Variants in SNAP29 observed in about 807,000 individuals in gnomAD.
SNAP29 encodes synaptosome associated protein 29.
In SNAP29, 13 loss-of-function variants were observed where a neutral mutation model predicts 27.9. The ratio of observed to expected loss-of-function variants is 0.47; its 90% CI spans 0.30 to 0.74. The LOEUF is 0.74. SNAP29 is among the 30% of genes least tolerant of loss of function. SNAP29 has a pLI of 0.06. For missense variants in SNAP29, 368 were observed against 336.5 expected (o/e 1.09, Z -0.73); for synonymous variants, 119 against 127.1 (o/e 0.94, Z 0.43).
intron 3 of SNAP29, among the ~76,000 whole-genome samples, chr22:20,881,466 G>A (rs1433842008): frequency 6.6e-6 from 1 of 152,228 alleles, no homozygotes; most frequent in Non-Finnish European, 1.5e-5. Context: ...CACTTTGGGA[G>A]GCCAAGCTGG....
rs373550782 is a variant in SNAP29 at position 20,866,933 on chromosome 22, G to C, written c.238-3404G>C. Among the ~76,000 whole-genome samples the C allele has an allele frequency of 1.1e-4, 16 of 152,278 alleles. No individual in the cohort carries two copies. In the South Asian group the frequency reaches 2.9e-3, roughly 28 times the overall value. On this transcript the variant is annotated intron_variant, in intron 1 of 4. Coordinates refer to ENST00000215730, the MANE Select transcript of SNAP29 (RefSeq NM_004782.4). ...TGTGTGTGTATGTGTTTGTGTGCAC[G>C]CGTGCAGTAGCTTTAGTTTCTGCCT... is the stretch of plus-strand genomic sequence containing the variant.
At chr22:20,859,637 C>T (rs1035771468) in intron 1 of SNAP29, 7 of 484,002 alleles carry the variant, frequency 1.4e-5, no homozygotes, top group Non-Finnish European at 2.2e-5. Context: ...TATTTTCTGT[C>T]CAGGTGAGTA....
chr22:20,884,244 A>C (rs952702360), intron 4 of SNAP29, among the ~76,000 whole-genome samples: 5 of 152,002 alleles, frequency 3.3e-5, no homozygotes, highest in Non-Finnish European at 7.4e-5. Flanking sequence ...AGGCAGGAGA[A>C]TCACTTGAAC....
At chr22:20,874,014 G>A (rs1280317051) in intron 2 of SNAP29, among the ~76,000 whole-genome samples, 6 of 136,200 alleles carry the variant, frequency 4.4e-5, no homozygotes, top group South Asian at 2.6e-4. Flanking sequence ...GGTGAGTCAC[G>A]CCTGTAATCC....
At chr22:20,882,151 A>G (rs1296614101) in intron 3 of SNAP29, among the ~76,000 whole-genome samples, 1 of 151,698 alleles carries the variant, frequency 6.6e-6, no homozygotes, top group Non-Finnish European at 1.5e-5. Context: ...AAGGAGTGCA[A>G]CCCTGAGGAC....
intron 2 of SNAP29, among the ~76,000 whole-genome samples, chr22:20,877,500 A>G (rs565212089): frequency 7.2e-5 from 11 of 151,956 alleles, no homozygotes; most frequent in East Asian, 5.8e-4. Context: ...AGGTTGCAGT[A>G]AGCCAAGATC....
rs1569123320 is a variant in SNAP29 at position 20,890,976 on chromosome 22, G to A, written c.*3140G>A. The A allele has an allele frequency of 6.6e-6, 1 of 152,148 alleles. No homozygotes were observed. Among genetic ancestry groups the A allele is most frequent in the East Asian group, 1.9e-4 (1 of 5,190 alleles). 9.4% of individuals were successfully genotyped at this position (152,148 alleles called of 1,614,324 possible). On this transcript the variant is annotated 3_prime_UTR_variant, in exon 5 of 5. Coordinates refer to ENST00000215730, the MANE Select transcript of SNAP29 (RefSeq NM_004782.4). ...TGTAGTCCCAACTACTCGGGAGACT[G>A]AGGCAGAAGAATGGCGTGAACTCAG...
rs1061064 is a variant in SNAP29 at position 20,859,128 on chromosome 22, A to G, written c.18A>G (p.Lys6=). The G allele has an allele frequency of 0.53, 853,629 of 1,603,778 alleles. 234,123 individuals carry two copies. The highest frequency in any genetic ancestry group is 0.6 in the South Asian group (54,133 of 89,906). MSAYP[K]SYNPFDDDGE... ...CCGGCACCATGTCAGCTTACCCTAA[A>G]AGCTACAATCCGTTCGACGACGACG... The change falls in exon 1 of 5, where the codon AAA becomes AAG. Residue 6 remains lysine, a synonymous_variant. Coordinates refer to ENST00000215730, the MANE Select transcript of SNAP29 (RefSeq NM_004782.4).
At chr22:20,872,820 C>CTTCT (rs1928627044) in intron 2 of SNAP29, among the ~76,000 whole-genome samples, 1 of 39,866 alleles carries the variant, frequency 2.5e-5, no homozygotes. Context: ...CCACGCCAGG[C>CTTCT]TTTTTTTTTT....
rs1359067587 is a variant in SNAP29 at position 20,883,451 on chromosome 22, G to C, written c.521-20G>C. On this transcript the variant is annotated intron_variant, in intron 3 of 4. Coordinates refer to ENST00000215730, the MANE Select transcript of SNAP29 (RefSeq NM_004782.4). Reference sequence around the variant, plus strand: ...GGAATGTCAATTAACCGCTCTCCTGGTGTTTCCTTCTAAACTTAGACCCTG... The same window carrying C: ...GGAATGTCAATTAACCGCTCTCCTGCTGTTTCCTTCTAAACTTAGACCCTG... The C allele has an allele frequency of 6.8e-7, 1 of 1,475,428 alleles. No individual in the cohort carries two copies. The highest frequency in any genetic ancestry group is 1.4e-5 in the African/African-American group (1 of 72,144). 91.4% of individuals were successfully genotyped at this position (1,475,428 alleles called of 1,614,324 possible).
rs112984030 is a variant in SNAP29 at position 20,890,337 on chromosome 22, G to A, written c.*2501G>A. The A allele has an allele frequency of 9.0e-4, 359 of 398,620 alleles. 1 individual carries two copies. Among genetic ancestry groups the A allele is most frequent in the African/African-American group, 5.6e-3 (274 of 48,752 alleles). The allele number at this position is 398,620 out of a possible 1,614,324, so 24.7% of individuals were successfully genotyped here. On this transcript the variant is annotated 3_prime_UTR_variant, in exon 5 of 5. Coordinates refer to ENST00000215730, the MANE Select transcript of SNAP29 (RefSeq NM_004782.4). The stretch of plus-strand genomic sequence containing the variant: ...AGCAAAATGGTGCCAGGGCTGGGCT[G>A]ACTGTGGGATGGGATTTGGTACTGC...
At chr22:20,876,930 G>A (rs898131292) in intron 2 of SNAP29, among the ~76,000 whole-genome samples, 1 of 152,106 alleles carries the variant, frequency 6.6e-6, no homozygotes, top group African/African-American at 2.4e-5. Flanking sequence ...CTGAAGTTTT[G>A]TCTCTTGGGA....
Position 20,870,387 on chromosome 22 carries a change from C to T in SNAP29, c.288C>T (p.Asp96=). 1 of 1,614,086 alleles carries T rather than the reference C, an allele frequency of 6.2e-7. No homozygotes were observed. The highest frequency in any genetic ancestry group is 8.5e-7 in the Non-Finnish European group (1 of 1,180,022). Residue 96 remains aspartate, a synonymous_variant, in exon 2 of 5, where the codon GAC becomes GAT. Coordinates refer to ENST00000215730, the MANE Select transcript of SNAP29 (RefSeq NM_004782.4). ...TGGAGCGCACAGAGAAGATGGTGGACAAGATGGACCAAGATTTGAAGATCA... is the reference window on the plus strand; with the variant it reads ...TGGAGCGCACAGAGAAGATGGTGGATAAGATGGACCAAGATTTGAAGATCA... The part of the protein sequence containing the change: ...GVLERTEKMV[D]KMDQDLKISQ...
chr22:20,880,912 A>G (rs927709702), intron 2 of SNAP29, 137 bp from the exon 3 acceptor site: 1 of 649,198 alleles, frequency 1.5e-6, no homozygotes, highest in African/African-American at 1.8e-5. Context: ...TGAAATCCCT[A>G]CTTTGGTCAG....
chr22:20,859,050 G>A lies in SNAP29; in HGVS notation c.-61G>A. 4 of 1,455,050 alleles carry A rather than the reference G, an allele frequency of 2.7e-6. No individual in the cohort carries two copies. The highest frequency in any genetic ancestry group is 1.9e-5 in the Admixed American group (1 of 52,612). The allele number at this position is 1,455,050 out of a possible 1,614,324, so 90.1% of individuals were successfully genotyped here. A position where few individuals can be genotyped will look rare whatever the true frequency, so the allele number is the denominator to read the frequency against. On this transcript the variant is annotated 5_prime_UTR_variant, in exon 1 of 5. Transcript: ENST00000215730. ...GGGTCGGCGGGCGGGGCGAGGCCCT[G>A]GACGGCGGCGGCAGTGGGGCTCCTC...
chr22:20,867,736 T>C (rs1033680324), intron 1 of SNAP29, among the ~76,000 whole-genome samples: 1 of 152,154 alleles, frequency 6.6e-6, no homozygotes, highest in African/African-American at 2.4e-5. Context: ...AAATCAGCCA[T>C]CTGGTTTCCT....
At chr22:20,870,713 G>A in intron 2 of SNAP29, 180 bp downstream of exon 2, 1 of 672,968 alleles carries the variant, frequency 1.5e-6, no homozygotes, top group Non-Finnish European at 2.7e-6. Flanking sequence ...CTGATCCCAT[G>A]TTCACTTGAT....
In SNAP29 at chr22:20,859,320, C is replaced by T; in HGVS notation, c.210C>T (p.Ser70=). Residue 70 remains serine, a synonymous_variant, in exon 1 of 5, where the codon TCC becomes TCT. Transcript: ENST00000215730. ...TSRSLALMYE[S]EKVGVASSEE... The stretch of plus-strand genomic sequence containing the variant: ...GGTCCCTGGCCCTCATGTACGAGTC[C>T]GAGAAGGTTGGGGTCGCCTCTTCCG... 6.2e-7 allele frequency: 1 copy of T among 1,613,358 alleles called. No homozygotes were observed. Among genetic ancestry groups the T allele is most frequent in the East Asian group, 2.2e-5 (1 of 44,864 alleles).
intron 2 of SNAP29, chr22:20,870,771 C>T: frequency 1.7e-6 from 1 of 587,720 alleles, no homozygotes; most frequent in South Asian, 1.9e-5. Flanking sequence ...GACCCCACTA[C>T]TTTGAAAGAG....
Sources: allele counts gnomAD v4.1 joint callset (sites outside exome capture counted in the v4.1 genomes callset), GRCh38; gene constraint gnomAD v4.1.1; transcripts MANE v1.5; gene names NCBI Gene and HGNC (gene_info 2026-07-23, HGNC 2026-07-21).